The following ALX1 variants were observed in gnomAD, a reference collection of about 807,000 sequenced individuals.
The protein encoded by ALX1 is ALX homeobox protein 1.
In ALX1, 19 loss-of-function variants were observed where a neutral mutation model predicts 31.7. The ratio of observed to expected loss-of-function variants is 0.60; its 90% CI spans 0.42 to 0.88. The LOEUF is 0.88. Ranked by LOEUF, ALX1 falls within the 40% of genes least tolerant of loss-of-function variation. The probability of loss-of-function intolerance (pLI) is 0.00; values close to 1 mark genes in which losing one functional copy is unlikely to be tolerated. For synonymous variants in ALX1, 153 were observed against 148.8 expected, an observed-to-expected ratio of 1.03 and a Z score of -0.20; for missense variants, 415 against 407.8, an observed-to-expected ratio of 1.02 and a Z score of -0.15.
chr12:85,286,145 G>A (rs1331196679), intron 2 of ALX1, among the ~76,000 whole-genome samples: 2 of 151,754 alleles, frequency 1.3e-5, no homozygotes, highest in African/African-American at 4.8e-5. Flanking sequence ...ATTTTCATAA[G>A]GGAAAATAAG....
chr12:85,288,717 A>G (rs1004452668), intron 3 of ALX1, among the ~76,000 whole-genome samples: 61 of 151,466 alleles, frequency 4.0e-4, no homozygotes, highest in African/African-American at 1.4e-3. Context: ...TGCTCAAATG[A>G]GAAAGAGGTA....
At chr12:85,282,547 A>G (rs1896689710) in intron 1 of ALX1, among the ~76,000 whole-genome samples, 1 of 152,196 alleles carries the variant, frequency 6.6e-6, no homozygotes, top group Non-Finnish European at 1.5e-5. Context: ...AACAAATGAA[A>G]AAAGTATGAT....
intron 1 of ALX1, 78 bp from the exon 2 acceptor site, chr12:85,283,494 A>C (rs1169524572): frequency 6.8e-7 from 1 of 1,467,586 alleles, no homozygotes; most frequent in African/African-American, 1.4e-5. Flanking sequence ...TGATACTCTC[A>C]ATTACTTCTA....
intron 3 of ALX1, among the ~76,000 whole-genome samples, chr12:85,299,516 A>G (rs2137394693): frequency 6.6e-6 from 1 of 151,804 alleles, no homozygotes; most frequent in East Asian, 1.9e-4. Flanking sequence ...GTCTCTTTCT[A>G]CATATGTATA....
chr12:85,299,912 A>G (rs1275745523), intron 3 of ALX1, among the ~76,000 whole-genome samples: 1 of 151,972 alleles, frequency 6.6e-6, no homozygotes, highest in Admixed American at 6.6e-5. Context: ...CTCTTACATC[A>G]TGATTTTAAA....
intron 3 of ALX1, among the ~76,000 whole-genome samples, chr12:85,290,143 A>G (rs1335642388): frequency 2.0e-5 from 3 of 151,288 alleles, no homozygotes; most frequent in Admixed American, 6.6e-5. Context: ...TACAAGCATA[A>G]TATGTTTATT....
At chr12:85,289,266 T>C (rs1245403332) in intron 3 of ALX1, among the ~76,000 whole-genome samples, 1 of 151,206 alleles carries the variant, frequency 6.6e-6, no homozygotes, top group Non-Finnish European at 1.5e-5. Flanking sequence ...TCTAAAACTT[T>C]ATACAGCTTT....
chr12:85,288,969 T>C (rs891305262), intron 3 of ALX1, among the ~76,000 whole-genome samples: 3 of 151,474 alleles, frequency 2.0e-5, no homozygotes, highest in Non-Finnish European at 3.0e-5. Flanking sequence ...GTGGTGACTT[T>C]AGACGTAATA....
chr12:85,288,755 A>T (rs1038449404), intron 3 of ALX1, among the ~76,000 whole-genome samples: 1 of 151,492 alleles, frequency 6.6e-6, no homozygotes, highest in African/African-American at 2.4e-5. Context: ...GACCAGAGAC[A>T]ATTTGGTTCC....
Position 85,280,295 on chromosome 12 carries a change from A to G in ALX1, c.34A>G (p.Ser12Gly). ...TCTGAGCGAGAAGTTTGCCCTCAAG[A>G]GCCCTCCGAGTAAAAACAGTGACTT... ...EFLSEKFALK[S>G]PPSKNSDFYM... The change falls in exon 1 of 4, where the codon AGC becomes GGC. Residue 12 changes from serine (S) to glycine (G), a missense_variant. Ser to Gly is a moderately conservative substitution (Grantham distance 56). Coordinates refer to ENST00000316824, the MANE Select transcript of ALX1 (RefSeq NM_006982.3). 1 of 1,613,544 alleles carries G rather than the reference A, an allele frequency of 6.2e-7. No individual in the cohort carries two copies. The highest frequency in any genetic ancestry group is 8.5e-7 in the Non-Finnish European group (1 of 1,180,006).
intron 1 of ALX1, among the ~76,000 whole-genome samples, chr12:85,282,709 T>C (rs1204302230): frequency 1.3e-5 from 2 of 152,196 alleles, no homozygotes; most frequent in East Asian, 3.8e-4. Context: ...CAATCAAATC[T>C]GAAGAAAATT....
chr12:85,300,859 C>T (rs1896955338), intron 3 of ALX1, among the ~76,000 whole-genome samples: 2 of 152,002 alleles, frequency 1.3e-5, no homozygotes. Flanking sequence ...ACTCAATCTT[C>T]CAGATTCATT....
At position 85,298,335 on chromosome 12, in the gene ALX1, A is replaced by G. The variant is rs186978778; in HGVS notation, c.661-2820A>G. The stretch of plus-strand genomic sequence containing the variant: ...TGAAACAATTAAAAGTGTTCATAAT[A>G]TATTTAACATAATGCCTCACGCATG... On this transcript the variant is annotated intron_variant, in intron 3 of 3. Transcript: ENST00000316824. Among the ~76,000 whole-genome samples, 344 of 151,832 alleles carry G rather than the reference A, an allele frequency of 2.3e-3. 2 individuals are homozygous for G. Among genetic ancestry groups the G allele is most frequent in the South Asian group, 4.3e-3 (21 of 4,828 alleles).
In ALX1 at chr12:85,286,890, G is replaced by C. The variant is rs1048186835; in HGVS notation, c.569G>C (p.Arg190Thr). 2.5e-6 allele frequency: 4 copies of C among 1,611,214 alleles called. No individual in the cohort carries two copies. The African/African-American group carries it at 4.0e-5, about 16-fold the overall frequency. The stretch of plus-strand genomic sequence containing the variant: ...AATCGAAGGGCCAAATGGAGAAAAA[G>C]GGAACGTTATGGCCAAATACAACAA... ...FQNRRAKWRK[R>T]ERYGQIQQAK... Residue 190 changes from arginine to threonine, a missense_variant, in exon 3 of 4, where the codon AGG (arginine) becomes ACG (threonine). Arg to Thr is a moderately conservative substitution (Grantham distance 71). This residue lies in a region of ALX1 where 174 missense variants were observed against 177.5 expected (regional missense o/e 0.98). Transcript: ENST00000316824.
At chr12:85,300,037 T>C (rs1003575274) in intron 3 of ALX1, among the ~76,000 whole-genome samples, 4 of 152,004 alleles carry the variant, frequency 2.6e-5, no homozygotes, top group African/African-American at 9.7e-5. Context: ...AAGGGCTGCA[T>C]CATAGTATTA....
chr12:85,291,550 T>C (rs1896818026), intron 3 of ALX1, among the ~76,000 whole-genome samples: 1 of 151,210 alleles, frequency 6.6e-6, no homozygotes, highest in Admixed American at 6.6e-5. Flanking sequence ...TTGAGAATTA[T>C]AATTACCATT....
intron 1 of ALX1, among the ~76,000 whole-genome samples, chr12:85,281,939 A>G (rs1374701608): frequency 6.6e-6 from 1 of 152,236 alleles, no homozygotes; most frequent in Non-Finnish European, 1.5e-5. Flanking sequence ...CCAAAATAAG[A>G]GACATAATTG....
At chr12:85,285,633 G>T (rs756836598) in intron 2 of ALX1, among the ~76,000 whole-genome samples, 1 of 151,880 alleles carries the variant, frequency 6.6e-6, no homozygotes, top group Non-Finnish European at 1.5e-5. Context: ...TTAATATGTT[G>T]CCATAATGGT....
intron 3 of ALX1, among the ~76,000 whole-genome samples, chr12:85,291,398 A>G (rs1896816619): frequency 6.6e-6 from 1 of 151,084 alleles, no homozygotes; most frequent in Admixed American, 6.6e-5. Flanking sequence ...AAATCTAAAT[A>G]ATTTTGGCCT....
Sources: allele counts gnomAD v4.1 joint callset (sites outside exome capture counted in the v4.1 genomes callset), GRCh38; gene constraint gnomAD v4.1.1; regional missense constraint gnomAD v4.1.1; transcripts MANE v1.5; gene names NCBI Gene and HGNC (gene_info 2026-07-23, HGNC 2026-07-21).